The following VAV1 variants were observed in gnomAD, a reference collection of about 807,000 sequenced individuals.
VAV1 encodes the protein vav guanine nucleotide exchange factor 1.
VAV1 carries 33 observed loss-of-function variants against 128.1 expected under a neutral mutation model. That is an observed-to-expected ratio of 0.26 (90% CI 0.20 to 0.34). VAV1 has a LOEUF of 0.34. Among genes scored for constraint, VAV1 ranks in the 10% least tolerant of loss-of-function variants. VAV1 has a pLI of 1.00. For missense variants in VAV1, 715 were observed against 1,093.7 expected (o/e 0.65, Z 4.88); for synonymous variants, 394 against 409.8 (o/e 0.96, Z 0.47).
intron 1 of VAV1, among the ~76,000 whole-genome samples, chr19:6,818,270 C>T (rs347031): frequency 0.012 from 1,759 of 152,278 alleles, 48 homozygotes; most frequent in African/African-American, 0.041. Context: ...AAGACAAAGA[C>T]GTTGGCAAGG....
At position 6,772,875 on chromosome 19, in the gene VAV1, T is replaced by C; in HGVS notation, c.68T>C (p.Val23Ala). The C allele has an allele frequency of 6.2e-7, 1 of 1,614,116 alleles. No individual in the cohort carries two copies. Among genetic ancestry groups the C allele is most frequent in the Non-Finnish European group, 8.5e-7 (1 of 1,179,992 alleles). The change falls in exon 1 of 27, where the codon GTG becomes GCG. Residue 23 changes from valine to alanine, a missense_variant. Coordinates refer to ENST00000602142, the MANE Select transcript of VAV1 (RefSeq NM_005428.4). The surrounding 1 kb of genome is among the most constrained non-coding windows in gnomAD (Gnocchi z 4.8). ...CGGGTGCTGCCGCCCAGCCACCGCGTGACCTGGGATGGGGCTCAGGTGTGT... is the reference window on the plus strand; with the variant it reads ...CGGGTGCTGCCGCCCAGCCACCGCGCGACCTGGGATGGGGCTCAGGTGTGT... The part of the protein sequence containing the change: ...QCRVLPPSHR[V>A]TWDGAQVCEL...
Position 6,828,151 on chromosome 19 carries a change from A to G in VAV1, c.1003A>G (p.Lys335Glu). 6.2e-7 allele frequency: 1 copy of G among 1,614,082 alleles called. No homozygotes were observed. The highest frequency in any genetic ancestry group is 8.5e-7 in the Non-Finnish European group (1 of 1,180,008). The change falls in exon 10 of 27, where the codon AAA becomes GAA. Residue 335 changes from lysine to glutamate, a missense_variant. Around this residue, in one of 3 missense-constraint regions of VAV1, gnomAD observed 302 missense variants for 477.8 expected, o/e 0.63. Coordinates refer to ENST00000602142, the MANE Select transcript of VAV1 (RefSeq NM_005428.4). The surrounding 1 kb of genome is among the most constrained non-coding windows in gnomAD (Gnocchi z 4.5). Reference protein sequence around the residue: ...LLMVPMQRVLKYHLLLQELVK... With the variant: ...LLMVPMQRVLEYHLLLQELVK... Reference sequence around the variant, plus strand: ...GATGGTGCCTATGCAGCGAGTTCTCAAATATCACCTCCTTCTCCAGGTGCC... The same window carrying G: ...GATGGTGCCTATGCAGCGAGTTCTCGAATATCACCTCCTTCTCCAGGTGCC...
intron 19 of VAV1, 127 bp from the exon 20 acceptor site, chr19:6,836,305 C>T: frequency 1.6e-6 from 2 of 1,239,912 alleles, no homozygotes; most frequent in Middle Eastern, 2.1e-4. Flanking sequence ...CCAGTTTCTC[C>T]ACGTCCTTGT....
intron 1 of VAV1, among the ~76,000 whole-genome samples, chr19:6,801,534 C>A (rs922546005): frequency 1.1e-4 from 16 of 152,280 alleles, no homozygotes; most frequent in African/African-American, 3.9e-4. Context: ...TGAAAGGGTG[C>A]ACAGCACACC....
At chr19:6,785,662 T>TTTC (rs370554352) in intron 1 of VAV1, among the ~76,000 whole-genome samples, 21,071 of 115,678 alleles carry the variant, frequency 0.18, 1,488 homozygotes, top group African/African-American at 0.22. Context: ...TCTTTCTTTC[T>TTTC]TTTTTTTTTT....
chr19:6,835,404 T>A (rs1291827974), intron 19 of VAV1, among the ~76,000 whole-genome samples: 1 of 152,154 alleles, frequency 6.6e-6, no homozygotes, highest in African/African-American at 2.4e-5. Flanking sequence ...TAATATAAAT[T>A]AATTAAAATG....
chr19:6,853,830 G>A, intron 25 of VAV1, 117 bp from the exon 26 acceptor site: 1 of 1,344,402 alleles, frequency 7.4e-7, no homozygotes, highest in Non-Finnish European at 1.0e-6. Context: ...ATACTCTGCA[G>A]AAAAGAGCAC....
At chr19:6,776,476 C>CCATT (rs1416477027) in intron 1 of VAV1, among the ~76,000 whole-genome samples, 1 of 144,692 alleles carries the variant, frequency 6.9e-6, no homozygotes, top group South Asian at 2.5e-4. Context: ...ATCCATCCAT[C>CCATT]CATTCATCCA....
intron 15 of VAV1, among the ~76,000 whole-genome samples, chr19:6,832,578 C>T (rs574797418): frequency 7.7e-6 from 1 of 130,694 alleles, no homozygotes; most frequent in African/African-American, 3.4e-5. Context: ...CCCCTTCCTC[C>T]TCCTCGCCCT....
At chr19:6,816,846 TC>T (rs1971667683) in intron 1 of VAV1, among the ~76,000 whole-genome samples, 1 of 151,292 alleles carries the variant, frequency 6.6e-6, no homozygotes, top group African/African-American at 2.4e-5. Context: ...CTCCTGTAGT[TC>T]CAGCTACTTG....
chr19:6,804,019 A>G (rs1971329494), intron 1 of VAV1, among the ~76,000 whole-genome samples: 1 of 152,174 alleles, frequency 6.6e-6, no homozygotes, highest in South Asian at 2.1e-4. Flanking sequence ...GATGTTTCAG[A>G]AAAGGCAAAA....
At chr19:6,800,683 G>A (rs2436516) in intron 1 of VAV1, among the ~76,000 whole-genome samples, 115,010 of 149,954 alleles carry the variant, frequency 0.77, 45,529 homozygotes, top group East Asian at 0.94. Flanking sequence ...GTGCAGTGGC[G>A]TGATCTCGGC....
intron 1 of VAV1, among the ~76,000 whole-genome samples, chr19:6,818,397 C>T (rs1971708796): frequency 6.6e-6 from 1 of 152,150 alleles, no homozygotes; most frequent in Non-Finnish European, 1.5e-5. Context: ...TCTTGTTCAC[C>T]TCCCTATCCT....
At chr19:6,783,470 C>CGTTT (rs1970811229) in intron 1 of VAV1, among the ~76,000 whole-genome samples, 1 of 113,832 alleles carries the variant, frequency 8.8e-6, no homozygotes, top group Non-Finnish European at 1.7e-5. Context: ...CACCTCCATC[C>CGTTT]TTTTTTTTTT....
chr19:6,778,056 C>T (rs1382141302), intron 1 of VAV1, among the ~76,000 whole-genome samples: 1 of 152,126 alleles, frequency 6.6e-6, no homozygotes, highest in African/African-American at 2.4e-5. Flanking sequence ...CCTGTCTCAG[C>T]CTCCTGAGTA....
At position 6,801,220 on chromosome 19, in the gene VAV1, G is replaced by T. The variant is rs140010576; in HGVS notation, c.205-19482G>T. ...ATGCTTGCTGAATTAATGCATGACC[G>T]GGTCTGGGGTGCTGGGTTTCACACC... On this transcript the variant is annotated intron_variant, in intron 1 of 26. Transcript: ENST00000602142. Among the ~76,000 whole-genome samples the T allele has an allele frequency of 4.7e-3, 718 of 152,274 alleles. 2 individuals carry two copies. Among genetic ancestry groups the T allele is most frequent in the African/African-American group, 0.016 (683 of 41,540 alleles).
intron 24 of VAV1, among the ~76,000 whole-genome samples, chr19:6,851,260 A>G (rs970886154): frequency 2.6e-5 from 4 of 152,006 alleles, no homozygotes; most frequent in Middle Eastern, 3.2e-3. Context: ...CTGCAGCCTC[A>G]AATTCCTGGT....
intron 22 of VAV1, among the ~76,000 whole-genome samples, chr19:6,845,816 T>C (rs1972506975): frequency 6.8e-6 from 1 of 148,006 alleles, no homozygotes; most frequent in South Asian, 2.2e-4. Context: ...TATTTATTCT[T>C]TAAATTGTAT....
Position 6,836,833 on chromosome 19 carries a change from G to GACAC in VAV1, c.1915-109_1915-106dup, listed in dbSNP as rs60215253. ...AGAGTGACCATTGAGCAGAGAGATG[G>GACAC]ACACACACACACACACACACACACA... On this transcript the variant is annotated intron_variant, in intron 20 of 26. Transcript: ENST00000602142. The GACAC allele has an allele frequency of 1.9e-3, 1,634 of 873,318 alleles. 7 individuals are homozygous for GACAC. Among genetic ancestry groups the GACAC allele is most frequent in the African/African-American group, 8.5e-3 (457 of 53,832 alleles). The allele number at this position is 873,318 out of a possible 1,614,324, so 54.1% of individuals were successfully genotyped here. A position where few individuals can be genotyped will look rare whatever the true frequency, so the allele number is the denominator to read the frequency against.
Sources: allele counts gnomAD v4.1 joint callset (sites outside exome capture counted in the v4.1 genomes callset), GRCh38; gene constraint gnomAD v4.1.1; regional missense constraint gnomAD v4.1.1; non-coding constraint Gnocchi (gnomAD v3.1); transcripts MANE v1.5; gene names NCBI Gene and HGNC (gene_info 2026-07-23, HGNC 2026-07-21).